The following GALNTL6 variants were observed in gnomAD, a reference collection of about 807,000 sequenced individuals.
GALNTL6 encodes the protein polypeptide N-acetylgalactosaminyltransferase-like 6.
Under a neutral mutation model 73.7 loss-of-function variants are expected in GALNTL6, and 46 were observed. The observed-to-expected ratio is 0.62, with a 90% confidence interval of 0.49 to 0.80. GALNTL6 has a LOEUF of 0.80. Among genes scored for constraint, GALNTL6 ranks in the 30% least tolerant of loss-of-function variants. The pLI is 0.00. For missense variants in GALNTL6, 604 were observed against 755.0 expected, an observed-to-expected ratio of 0.80 and a Z score of 2.34; for synonymous variants, 259 against 263.7, an observed-to-expected ratio of 0.98 and a Z score of 0.17.
At chr4:171,911,528 A>G (rs1247246323) in intron 2 of GALNTL6, among the ~76,000 whole-genome samples, 3 of 152,182 alleles carry the variant, frequency 2.0e-5, no homozygotes, top group Non-Finnish European at 4.4e-5. Flanking sequence ...CAACCCCTGT[A>G]GGAAAACTCT....
chr4:172,141,476 TAAC>T (rs965616542), intron 2 of GALNTL6, among the ~76,000 whole-genome samples: 66 of 152,158 alleles, frequency 4.3e-4, no homozygotes, highest in African/African-American at 1.4e-3. Context: ...TATTTTATTT[TAAC>T]AACATTGATT....
intron 8 of GALNTL6, among the ~76,000 whole-genome samples, chr4:172,898,857 G>A (rs867810549): frequency 1.9e-4 from 29 of 152,164 alleles, no homozygotes; most frequent in African/African-American, 6.3e-4. Context: ...ACAGCCCGGC[G>A]CTGCATTCCA....
At chr4:172,779,830 C>T (rs968273688) in intron 5 of GALNTL6, among the ~76,000 whole-genome samples, 1 of 152,160 alleles carries the variant, frequency 6.6e-6, no homozygotes, top group Non-Finnish European at 1.5e-5. Context: ...TAGTTTGCTG[C>T]TGTGATAGAG....
At chr4:172,759,852 C>A in intron 5 of GALNTL6, among the ~76,000 whole-genome samples, 1 of 109,226 alleles carries the variant, frequency 9.2e-6, no homozygotes, top group Non-Finnish European at 1.7e-5. Flanking sequence ...TTTTTTGAGA[C>A]GGAGTCTCGC....
chr4:171,937,363 T>C (rs568672041), intron 2 of GALNTL6, among the ~76,000 whole-genome samples: 1 of 152,298 alleles, frequency 6.6e-6, no homozygotes, highest in African/African-American at 2.4e-5. Context: ...TGTGTATTCC[T>C]TAACAATTCT....
intron 5 of GALNTL6, among the ~76,000 whole-genome samples, chr4:172,593,335 C>T (rs1737726078): frequency 6.6e-6 from 1 of 152,148 alleles, no homozygotes; most frequent in Non-Finnish European, 1.5e-5. Flanking sequence ...TGCTGAATTT[C>T]CCTGTACTGA....
At chr4:172,305,532 G>A (rs1740100264) in intron 3 of GALNTL6, among the ~76,000 whole-genome samples, 1 of 151,998 alleles carries the variant, frequency 6.6e-6, no homozygotes, top group Non-Finnish European at 1.5e-5. Context: ...TGTAGCAATA[G>A]AGAAATAATC....
intron 8 of GALNTL6, among the ~76,000 whole-genome samples, chr4:172,900,822 A>G (rs182703103): frequency 2.0e-4 from 31 of 152,338 alleles, no homozygotes; most frequent in Non-Finnish European, 4.1e-4. Flanking sequence ...GCTTTGAATA[A>G]TAAACTGGTT....
At chr4:171,948,715 C>A (rs922444506) in intron 2 of GALNTL6, among the ~76,000 whole-genome samples, 1 of 152,102 alleles carries the variant, frequency 6.6e-6, no homozygotes, top group African/African-American at 2.4e-5. Context: ...TATTTTTCCT[C>A]TCTCTTTGAA....
chr4:172,728,731 A>G (rs1735977750), intron 5 of GALNTL6, among the ~76,000 whole-genome samples: 1 of 152,130 alleles, frequency 6.6e-6, no homozygotes, highest in Non-Finnish European at 1.5e-5. Context: ...TTTCTCTCAG[A>G]TATATACACC....
At chr4:173,022,110 A>AGAAG (rs1169715483) in intron 12 of GALNTL6, among the ~76,000 whole-genome samples, 4 of 86,266 alleles carry the variant, frequency 4.6e-5, no homozygotes, top group Non-Finnish European at 7.8e-5. Context: ...AAGGAAGGAA[A>AGAAG]GAAGGAAGGA....
chr4:172,375,026 G>C (rs908574402), intron 5 of GALNTL6, among the ~76,000 whole-genome samples: 1 of 152,158 alleles, frequency 6.6e-6, no homozygotes, highest in African/African-American at 2.4e-5. Context: ...CCGATAGCCT[G>C]GGGGGTTAGT....
chr4:172,789,604 C>A (rs973920972), intron 5 of GALNTL6, among the ~76,000 whole-genome samples: 10 of 151,914 alleles, frequency 6.6e-5, no homozygotes, highest in Admixed American at 5.9e-4. Flanking sequence ...TGTAGAACTT[C>A]TGTGCCCTCC....
intron 5 of GALNTL6, among the ~76,000 whole-genome samples, chr4:172,743,206 T>G (rs1240853970): frequency 1.3e-5 from 2 of 152,074 alleles, no homozygotes; most frequent in Non-Finnish European, 2.9e-5. Context: ...GACCTTTAAA[T>G]ATCATGAGAT....
At chr4:172,494,461 G>C (rs550108548) in intron 5 of GALNTL6, among the ~76,000 whole-genome samples, 3 of 152,248 alleles carry the variant, frequency 2.0e-5, no homozygotes, top group Non-Finnish European at 4.4e-5. Context: ...ATTGGTCAGG[G>C]TTCTGCAGAG....
chr4:172,991,477 C>A (rs1751542347), intron 10 of GALNTL6, among the ~76,000 whole-genome samples: 1 of 152,040 alleles, frequency 6.6e-6, no homozygotes. Context: ...CGGCTCACTG[C>A]AATTCTCTGC....
At chr4:172,633,818 C>T (rs186969117) in intron 5 of GALNTL6, among the ~76,000 whole-genome samples, 82 of 152,280 alleles carry the variant, frequency 5.4e-4, no homozygotes, top group African/African-American at 1.9e-3. Context: ...CAGTTTTGCC[C>T]ATACTGTTCT....
At position 172,096,084 on chromosome 4, in the gene GALNTL6, C is replaced by CGGTGTGTGTG. The variant is rs1553992000; in HGVS notation, c.139-133572_139-133571insGGTGTGTGTG. ...TTTCGATTTCTCTCTCTCTCTCTTT[C>CGGTGTGTGTG]TGTGTGTGTGTGTGTGTGTGTGTGT... is the stretch of plus-strand genomic sequence containing the variant. On this transcript the variant is annotated intron_variant, in intron 2 of 12. Transcript: ENST00000506823. Among the ~76,000 whole-genome samples, 442 of 147,184 alleles carry CGGTGTGTGTG rather than the reference C, an allele frequency of 3.0e-3. 1 individual carries two copies. Among genetic ancestry groups the CGGTGTGTGTG allele is most frequent in the African/African-American group, 0.011 (423 of 39,824 alleles).
chr4:172,390,397 A>G (rs1446302122), intron 5 of GALNTL6, among the ~76,000 whole-genome samples: 2 of 152,228 alleles, frequency 1.3e-5, no homozygotes, highest in Non-Finnish European at 2.9e-5. Context: ...ACCCACAGTC[A>G]TTGGCAGTCT....
Sources: allele counts gnomAD v4.1 joint callset (sites outside exome capture counted in the v4.1 genomes callset), GRCh38; gene constraint gnomAD v4.1.1; transcripts MANE v1.5; gene names NCBI Gene and HGNC (gene_info 2026-07-23, HGNC 2026-07-21).